Variants in STAP2 observed in about 807,000 individuals in gnomAD.
STAP2 encodes the protein signal-transducing adaptor protein 2.
A neutral mutation model predicts 52.7 loss-of-function variants in STAP2; 58 were observed. That is an observed-to-expected ratio of 1.10 (90% CI 0.89 to 1.37). The LOEUF is 1.37. STAP2 is among the 40% of genes most tolerant of loss of function. The probability of loss-of-function intolerance (pLI) is 0.00; values close to 1 mark genes in which losing one functional copy is unlikely to be tolerated. For synonymous variants in STAP2, 231 were observed against 210.5 expected (o/e 1.10, Z -0.84); for missense variants, 522 against 519.4 (o/e 1.00, Z -0.05).
chr19:4,328,758 G>A lies in STAP2; in HGVS notation c.507C>T (p.Tyr169=), dbSNP rs79657645. Residue 169 remains tyrosine, a synonymous_variant, in exon 6 of 13, where the codon TAC becomes TAT. Coordinates refer to ENST00000594605, the MANE Select transcript of STAP2 (RefSeq NM_001013841.2). ...GCAGCAGCAGGTTCCCGCACTCGGGGTAGCGCTCCAGGAGCAGTTGTGCCT... is the reference window on the plus strand; with the variant it reads ...GCAGCAGCAGGTTCCCGCACTCGGGATAGCGCTCCAGGAGCAGTTGTGCCT... ...RLEAQLLLER[Y]PECGNLLLRP... is the part of the protein sequence containing the mutation. 1.2e-6 allele frequency: 2 copies of A among 1,610,656 alleles called. No homozygotes were observed. The highest frequency in any genetic ancestry group is 2.2e-5 in the East Asian group (1 of 44,822).
chr19:4,334,871 C>CTCCATCCATCCACCTACTCA (rs1162213302), intron 1 of STAP2, among the ~76,000 whole-genome samples: 302 of 16,626 alleles, frequency 0.018, 1 homozygote, highest in Non-Finnish European at 0.029. Context: ...CAATGCATCC[C>CTCCATCCATCCACCTACTCA]TCCATCCATC....
chr19:4,326,039 C>G (rs1455624532), intron 9 of STAP2, among the ~76,000 whole-genome samples: 1 of 151,664 alleles, frequency 6.6e-6, no homozygotes, highest in Non-Finnish European at 1.5e-5. Context: ...TAAAGTGCAA[C>G]GTTTGTACAC....
chr19:4,326,993 C>T lies in STAP2; in HGVS notation c.778G>A (p.Asp260Asn). ...YEKVLGYVEA[D>N]KENGENVWVA... ...CACACATTCTCGCCATTCTCCTTAT[C>T]GGCTTCCACGTAGCCTGGAACAGAG... The change falls in exon 9 of 13, where the codon GAT becomes AAT. Residue 260 changes from aspartate (D) to asparagine (N), a missense_variant. By Grantham distance (23) the Asp-to-Asn change is conservative. Transcript: ENST00000594605. The T allele has an allele frequency of 6.4e-7, 1 of 1,556,790 alleles. No individual in the cohort carries two copies. The highest frequency in any genetic ancestry group is 1.4e-5 in the African/African-American group (1 of 73,292).
intron 1 of STAP2, among the ~76,000 whole-genome samples, chr19:4,335,507 C>T (rs563206404): frequency 6.6e-6 from 1 of 152,138 alleles, no homozygotes; most frequent in South Asian, 2.1e-4. Context: ...CCATCAAGCC[C>T]GCATGTATTC....
At chr19:4,330,165 A>G in intron 4 of STAP2, 104 bp from the exon 5 acceptor site, 1 of 825,300 alleles carries the variant, frequency 1.2e-6, no homozygotes. Flanking sequence ...CAGAGCAATG[A>G]ACTCTGACAC....
rs139928624 is a variant in STAP2, at chr19:4,334,040, T to A, written c.107A>T (p.Tyr36Phe). Reference sequence around the variant, plus strand: ...CTGCAGGCCTGCCCAGAACTTCTTGTAATCCTAGGGACCAGAAGTGCAGAA... The same window carrying A: ...CTGCAGGCCTGCCCAGAACTTCTTGAAATCCTAGGGACCAGAAGTGCAGAA... ...LEKKGPCDRD[Y>F]KKFWAGLQGL... Residue 36 changes from tyrosine to phenylalanine, a missense_variant, in exon 2 of 13, where the codon TAC (tyrosine) becomes TTC (phenylalanine). By Grantham distance (22) the Tyr-to-Phe change is conservative. Transcript: ENST00000594605. 6 of 1,610,478 alleles carry A rather than the reference T, an allele frequency of 3.7e-6. No homozygotes were observed. The highest frequency in any genetic ancestry group is 3.4e-6 in the Non-Finnish European group (4 of 1,178,786).
In STAP2 at chr19:4,325,532, G is replaced by T; in HGVS notation, c.843C>A (p.Cys281Ter). 6.3e-7 allele frequency: 1 copy of T among 1,597,226 alleles called. No homozygotes were observed. Among genetic ancestry groups the T allele is most frequent in the South Asian group, 1.1e-5 (1 of 87,400 alleles). Residue 281 changes from cysteine to a stop codon, truncating the protein, a stop_gained, in exon 10 of 13, where the codon TGC (cysteine) becomes TGA (stop). Transcript: ENST00000594605. LOFTEE classifies it high-confidence loss of function. ...PSAPGPGPAP[C>*]TGGPKPLSPA... is the part of the protein sequence containing the mutation. ...GTGACAGCGGCTTGGGGCCACCTGTGCAGGGTGCAGGACCTGATGGGGAAA... is the reference window on the plus strand; with the variant it reads ...GTGACAGCGGCTTGGGGCCACCTGTTCAGGGTGCAGGACCTGATGGGGAAA...
chr19:4,332,183 T>C lies in STAP2; in HGVS notation c.298-105A>G, dbSNP rs1971902781. The C allele has an allele frequency of 4.8e-5, 35 of 727,976 alleles. No individual in the cohort carries two copies. In the South Asian group the frequency reaches 7.4e-4, roughly 15 times the overall value. 45.1% of individuals were successfully genotyped at this position (727,976 alleles called of 1,614,324 possible). On this transcript the variant is annotated intron_variant, in intron 3 of 12. Transcript: ENST00000594605. The stretch of plus-strand genomic sequence containing the variant: ...CCCTGCTTCAAAGGGCCGTTTTCTT[T>C]TTTCTTTTTCTTCTTTTTTTTTTTT...
intron 6 of STAP2, chr19:4,328,276 C>A: frequency 6.1e-6 from 1 of 163,302 alleles, no homozygotes. Flanking sequence ...CCCCCATGCT[C>A]CCCTGCCTAG....
chr19:4,326,942 C>A lies in STAP2; in HGVS notation c.829G>T (p.Gly277Cys), dbSNP rs945808902. Residue 277 changes from glycine (G) to cysteine (C), a missense_variant and splice_region_variant, in exon 9 of 13, where the codon GGT (glycine) becomes TGT (cysteine). Gly to Cys is a radical substitution (Grantham distance 159). Transcript: ENST00000594605. ...VWVAPSAPGP[G>C]PAPCTGGPKP... Reference sequence around the variant, plus strand: ...TCGGCCCGCGGGAAGGGGGCGTCACCTGGGCCCGGAGCGGAGGGCGCCACC... The same window carrying A: ...TCGGCCCGCGGGAAGGGGGCGTCACATGGGCCCGGAGCGGAGGGCGCCACC... 6 of 1,550,438 alleles carry A rather than the reference C, an allele frequency of 3.9e-6. No individual in the cohort carries two copies. In the South Asian group the frequency reaches 7.1e-5, roughly 18 times the overall value.
At chr19:4,332,362 C>G (rs1354618169) in intron 3 of STAP2, among the ~76,000 whole-genome samples, 2 of 151,248 alleles carry the variant, frequency 1.3e-5, no homozygotes, top group African/African-American at 4.9e-5. Context: ...CATGCACCAC[C>G]TCGCCCAGCT....
intron 5 of STAP2, 151 bp downstream of exon 5, chr19:4,329,810 C>CCCA: frequency 4.4e-6 from 1 of 225,388 alleles, no homozygotes; most frequent in Non-Finnish European, 8.9e-6. Flanking sequence ...GCCATAACTC[C>CCCA]CCCTCCCCCT....
Position 4,327,403 on chromosome 19 carries a change from G to A in STAP2, c.591-18C>T, listed in dbSNP as rs765623298. On this transcript the variant is annotated intron_variant, in intron 6 of 12. Coordinates refer to ENST00000594605, the MANE Select transcript of STAP2 (RefSeq NM_001013841.2). ...CGTGCGTCCTGCACCAGGAGAAAGC[G>A]AGTGAGTGGCTCAGCCCAGGCTCCC... 1.9e-6 allele frequency: 3 copies of A among 1,613,854 alleles called. No homozygotes were observed. The Admixed American group carries it at 5.0e-5, about 27-fold the overall frequency.
intron 6 of STAP2, among the ~76,000 whole-genome samples, 178 bp downstream of exon 6, chr19:4,328,497 C>G (rs553292129): frequency 6.7e-6 from 1 of 148,712 alleles, no homozygotes; most frequent in Non-Finnish European, 1.5e-5. Context: ...TCTGACTCCT[C>G]CCCCAATCCG....
At chr19:4,332,258 A>T (rs1971906056) in intron 3 of STAP2, among the ~76,000 whole-genome samples, 180 bp from the exon 4 acceptor site, 1 of 123,100 alleles carries the variant, frequency 8.1e-6, no homozygotes, top group South Asian at 2.9e-4. Context: ...CCCAGGCTAG[A>T]GTACAGTGGC....
chr19:4,336,177 A>G (rs1038903105), intron 1 of STAP2, among the ~76,000 whole-genome samples: 2 of 151,526 alleles, frequency 1.3e-5, no homozygotes, highest in Admixed American at 6.6e-5. Context: ...ACATCCAGCT[A>G]ATTTTTGTAT....
chr19:4,328,677 GT>G lies in STAP2; in HGVS notation c.587del (p.Asn196ThrfsTer11). ...GCTCTCCAGACGCGCATGCGCACCCGTTGTGCATCTGCCGCGTGGTGACCGA... is the reference window on the plus strand; with the variant it reads ...GCTCTCCAGACGCGCATGCGCACCCGTGTGCATCTGCCGCGTGGTGACCGA... Reference protein sequence around the residue: ...GVSVTTRQMHNGTHVVRHYKV... With the variant: ...GVSVTTRQMHXGTHVVRHYKV... On this transcript the variant is annotated frameshift_variant, in exon 6 of 13. Coordinates refer to ENST00000594605, the MANE Select transcript of STAP2 (RefSeq NM_001013841.2). LOFTEE classifies it high-confidence loss of function. The G allele has an allele frequency of 7.4e-7, 1 of 1,344,764 alleles. No individual in the cohort carries two copies. Among genetic ancestry groups the G allele is most frequent in the Non-Finnish European group, 9.8e-7 (1 of 1,015,270 alleles). The allele number at this position is 1,344,764 out of a possible 1,614,324, so 83.3% of individuals were successfully genotyped here. A position where few individuals can be genotyped will look rare whatever the true frequency, so the allele number is the denominator to read the frequency against.
chr19:4,329,482 C>T (rs1444192536), intron 5 of STAP2, among the ~76,000 whole-genome samples: 2 of 151,950 alleles, frequency 1.3e-5, no homozygotes, highest in African/African-American at 4.8e-5. Flanking sequence ...CACCTAGAGC[C>T]TCCCCTGGAG....
At chr19:4,334,183 T>A in intron 1 of STAP2, 139 bp from the exon 2 acceptor site, 1 of 643,952 alleles carries the variant, frequency 1.6e-6, no homozygotes, top group Non-Finnish European at 2.6e-6. Context: ...ACCTCCTGCC[T>A]TGAGTTTCTG....
Sources: gnomAD v4.1 joint callset for allele counts (sites outside exome capture counted in the v4.1 genomes callset) on GRCh38, gnomAD v4.1.1 for gene constraint, MANE v1.5 for transcripts, NCBI Gene and HGNC (gene_info 2026-07-23, HGNC 2026-07-21) for gene names.